STOX2: variants seen among roughly 807,000 people sequenced by gnomAD.
The protein encoded by STOX2 is storkhead box 2.
A neutral mutation model predicts 60.9 loss-of-function variants in STOX2; 28 were observed. That is an observed-to-expected ratio of 0.46 (90% CI 0.34 to 0.63). The LOEUF (loss-of-function observed/expected upper bound fraction) is 0.63, where lower values mean the gene tolerates loss of function less well. STOX2 is among the 30% of genes least tolerant of loss of function. STOX2 has a pLI of 0.01. For missense variants in STOX2, 1,024 were observed against 1,187.7 expected (o/e 0.86, Z 2.03); for synonymous variants, 472 against 463.9 (o/e 1.02, Z -0.22).
chr4:183,963,825 G>C (rs1391853874), intron 1 of STOX2, among the ~76,000 whole-genome samples: 2 of 151,126 alleles, frequency 1.3e-5, no homozygotes, highest in African/African-American at 4.9e-5. Context: ...ACCCAGGCTG[G>C]AGTGCAGTGG....
intron 1 of STOX2, among the ~76,000 whole-genome samples, chr4:183,874,466 T>G (rs1440672420): frequency 6.6e-6 from 1 of 152,198 alleles, no homozygotes; most frequent in Non-Finnish European, 1.5e-5. Flanking sequence ...TTTGATTGAC[T>G]CCTGGAAAGC....
intron 1 of STOX2, among the ~76,000 whole-genome samples, chr4:183,965,057 A>G (rs1743524227): frequency 6.6e-6 from 1 of 152,256 alleles, no homozygotes; most frequent in Non-Finnish European, 1.5e-5. Context: ...AAAATCTTAT[A>G]GTCTTGAAAT....
intron 1 of STOX2, among the ~76,000 whole-genome samples, chr4:183,843,158 A>AAG (rs1553967454): frequency 9.3e-5 from 14 of 150,708 alleles, no homozygotes; most frequent in African/African-American, 3.5e-4. Flanking sequence ...AAAAAAAAAA[A>AAG]AAAAAGAAAA....
At chr4:183,922,321 A>C (rs1397381120) in intron 1 of STOX2, among the ~76,000 whole-genome samples, 4 of 151,796 alleles carry the variant, frequency 2.6e-5, no homozygotes, top group African/African-American at 9.7e-5. Context: ...GTAAAAAAAA[A>C]ACACATAATG....
At chr4:183,948,758 G>C (rs112034743) in intron 1 of STOX2, among the ~76,000 whole-genome samples, 1 of 151,662 alleles carries the variant, frequency 6.6e-6, no homozygotes, top group Admixed American at 6.6e-5. Context: ...TCTCAAACTC[G>C]TGACCTCAGG....
At chr4:183,884,992 A>T (rs1741048385) in intron 1 of STOX2, among the ~76,000 whole-genome samples, 1 of 152,192 alleles carries the variant, frequency 6.6e-6, no homozygotes. Flanking sequence ...GTCGCCACAC[A>T]TCCCAGACCT....
At chr4:183,966,252 A>G (rs990533650) in intron 1 of STOX2, among the ~76,000 whole-genome samples, 5 of 152,148 alleles carry the variant, frequency 3.3e-5, no homozygotes, top group African/African-American at 1.2e-4. Flanking sequence ...GTGGGTGAGG[A>G]TGGAGCCTTC....
chr4:183,977,608 G>A (rs930121442), intron 1 of STOX2, among the ~76,000 whole-genome samples: 2 of 145,992 alleles, frequency 1.4e-5, no homozygotes, highest in Admixed American at 7.0e-5. Flanking sequence ...CACTTAGGTT[G>A]GTTCCATATC....
intron 2 of STOX2, among the ~76,000 whole-genome samples, chr4:184,006,972 C>A (rs1431589905): frequency 3.8e-5 from 5 of 130,312 alleles, no homozygotes; most frequent in African/African-American, 8.7e-5. Flanking sequence ...GCCGAGATCC[C>A]GCCACTGCAC....
At position 184,007,045 on chromosome 4, in the gene STOX2, A is replaced by AAAAAAAAAC. The variant is rs1553987519; in HGVS notation, c.320-2110_320-2109insAAAAACAAA. ...AAAAAAAAAAAAACAAAACAAAAAA[A>AAAAAAAAAC]AAATTTTGTTATTATTGGTCTTAAA... On this transcript the variant is annotated intron_variant, in intron 2 of 3. Coordinates refer to ENST00000308497, the MANE Select transcript of STOX2 (RefSeq NM_020225.3). Among the ~76,000 whole-genome samples, 26 of 118,472 alleles carry AAAAAAAAAC rather than the reference A, an allele frequency of 2.2e-4. 1 individual carries two copies. The highest frequency in any genetic ancestry group is 7.2e-4 in the African/African-American group (23 of 31,894). 77.7% of individuals were successfully genotyped at this position (118,472 alleles called of 152,430 possible). A position where few individuals can be genotyped will look rare whatever the true frequency, so the allele number is the denominator to read the frequency against.
At chr4:183,886,783 A>C (rs1371582160) in intron 1 of STOX2, among the ~76,000 whole-genome samples, 2 of 152,160 alleles carry the variant, frequency 1.3e-5, no homozygotes, top group African/African-American at 4.8e-5. Context: ...TTAGTTGAAC[A>C]CAGAGCAAGC....
chr4:184,013,828 G>T (rs1429378963), intron 3 of STOX2, among the ~76,000 whole-genome samples: 1 of 152,086 alleles, frequency 6.6e-6, no homozygotes, highest in Non-Finnish European at 1.5e-5. Context: ...TCACTCTGTT[G>T]CCCAGGCTGG....
chr4:183,847,257 A>G (rs1438745969), intron 1 of STOX2, among the ~76,000 whole-genome samples: 1 of 152,190 alleles, frequency 6.6e-6, no homozygotes, highest in Non-Finnish European at 1.5e-5. Context: ...TAGCATGTAT[A>G]TGGGCTTCTA....
chr4:183,958,616 T>G (rs747002118), intron 1 of STOX2, among the ~76,000 whole-genome samples: 8 of 152,176 alleles, frequency 5.3e-5, no homozygotes, highest in Non-Finnish European at 7.3e-5. Flanking sequence ...TGGTGAGAGT[T>G]GGGGAGACAC....
chr4:183,826,174 T>G (rs1171200068), intron 1 of STOX2, among the ~76,000 whole-genome samples: 3 of 152,128 alleles, frequency 2.0e-5, no homozygotes, highest in African/African-American at 7.2e-5. Context: ...CCAGTGCAGT[T>G]GATTCGAGGA....
rs1481073486 is a variant in STOX2, at chr4:184,021,272, A to G, written c.*3988A>G. ...ATACGCATACTTACAACGAATTAACAAAAGGAGTGACTTAAGATTCTCCAG... is the reference window on the plus strand; with the variant it reads ...ATACGCATACTTACAACGAATTAACGAAAGGAGTGACTTAAGATTCTCCAG... On this transcript the variant is annotated 3_prime_UTR_variant, in exon 4 of 4. Coordinates refer to ENST00000308497, the MANE Select transcript of STOX2 (RefSeq NM_020225.3). 1 of 152,232 alleles carries G rather than the reference A, an allele frequency of 6.6e-6. No homozygotes were observed. Among genetic ancestry groups the G allele is most frequent in the African/African-American group, 2.4e-5 (1 of 41,466 alleles). The allele number at this position is 152,232 out of a possible 1,614,324, so 9.4% of individuals were successfully genotyped here.
At chr4:183,919,064 A>G (rs1258031243) in intron 1 of STOX2, among the ~76,000 whole-genome samples, 3 of 152,252 alleles carry the variant, frequency 2.0e-5, no homozygotes, top group Non-Finnish European at 4.4e-5. Flanking sequence ...TTCTATGGTT[A>G]TGCCCAACTA....
intron 1 of STOX2, among the ~76,000 whole-genome samples, chr4:184,000,039 A>G (rs765008260): frequency 1.3e-5 from 2 of 152,240 alleles, no homozygotes; most frequent in Admixed American, 6.5e-5. Context: ...GAGCCCTTCT[A>G]TGTTCTACTG....
At chr4:183,967,725 A>G (rs1743619995) in intron 1 of STOX2, among the ~76,000 whole-genome samples, 1 of 152,246 alleles carries the variant, frequency 6.6e-6, no homozygotes, top group African/African-American at 2.4e-5. Context: ...GAAGGAAAGT[A>G]GTTATAATCC....
Sources: allele counts gnomAD v4.1 joint callset (sites outside exome capture counted in the v4.1 genomes callset), GRCh38; gene constraint gnomAD v4.1.1; transcripts MANE v1.5; gene names NCBI Gene and HGNC (gene_info 2026-07-23, HGNC 2026-07-21).